CTNNA3: variants seen among roughly 807,000 people sequenced by gnomAD.
CTNNA3 encodes the protein catenin alpha 3, also known as catenin alpha-3.
Under a neutral mutation model 95.7 loss-of-function variants are expected in CTNNA3, and 76 were observed. That is an observed-to-expected ratio of 0.79 (90% CI 0.66 to 0.96). CTNNA3 has a LOEUF of 0.96. CTNNA3 is among the 40% of genes least tolerant of loss of function. The pLI is 0.00. For missense variants in CTNNA3, 1,191 were observed against 1,089.8 expected (o/e 1.09, Z -1.31); for synonymous variants, 431 against 374.4 (o/e 1.15, Z -1.74).
Position 65,953,424 on chromosome 10 carries a change from T to C in CTNNA3, c.2400+13188A>G, listed in dbSNP as rs866709286. On this transcript the variant is annotated intron_variant, in intron 17 of 17. Coordinates refer to ENST00000433211, the MANE Select transcript of CTNNA3 (RefSeq NM_013266.4). ...ATTATACTTTAAGTTCTAGGATACA[T>C]GTGCACAATGTGCAGGTTTGTTACA... is the stretch of plus-strand genomic sequence containing the variant. 2.6e-5 allele frequency among the ~76,000 whole-genome samples: 4 copies of C among 151,780 alleles called. No homozygotes were observed. In the South Asian group the frequency reaches 8.3e-4, roughly 31 times the overall value.
At chr10:67,169,141 C>T (rs192006499) in intron 7 of CTNNA3, among the ~76,000 whole-genome samples, 30 of 152,144 alleles carry the variant, frequency 2.0e-4, no homozygotes, top group East Asian at 7.7e-4. Flanking sequence ...TCAGTGAAGA[C>T]GCAAACAAAT....
intron 7 of CTNNA3, among the ~76,000 whole-genome samples, chr10:67,121,845 A>G (rs186908307): frequency 6.6e-6 from 1 of 152,124 alleles, no homozygotes; most frequent in African/African-American, 2.4e-5. Context: ...CTGTTGCCAA[A>G]CAGGGATATA....
chr10:66,492,429 G>A (rs757567497), intron 11 of CTNNA3, among the ~76,000 whole-genome samples: 1 of 148,776 alleles, frequency 6.7e-6, no homozygotes. Flanking sequence ...GACTACAGGC[G>A]CACGCCACAA....
intron 12 of CTNNA3, among the ~76,000 whole-genome samples, chr10:66,335,479 G>A (rs914666062): frequency 3.3e-5 from 5 of 152,108 alleles, no homozygotes; most frequent in African/African-American, 9.7e-5. Context: ...ATCTGTTGGA[G>A]TTTGCTGGAG....
intron 7 of CTNNA3, among the ~76,000 whole-genome samples, chr10:66,924,269 A>G (rs1209038862): frequency 1.3e-5 from 2 of 152,318 alleles, no homozygotes; most frequent in South Asian, 2.1e-4. Context: ...CCATTGTACT[A>G]TATCTGTAGG....
chr10:66,270,606 C>T (rs904079646), intron 13 of CTNNA3, among the ~76,000 whole-genome samples: 7 of 152,260 alleles, frequency 4.6e-5, no homozygotes, highest in Admixed American at 1.3e-4. Context: ...ATATGTAATA[C>T]GTCAATCATC....
chr10:66,062,627 A>T (rs768605632), intron 15 of CTNNA3, among the ~76,000 whole-genome samples: 13 of 152,162 alleles, frequency 8.5e-5, no homozygotes, highest in Non-Finnish European at 1.9e-4. Flanking sequence ...ACAATTGGAG[A>T]TTTATCACAG....
chr10:66,549,249 C>G (rs778017386), intron 10 of CTNNA3, among the ~76,000 whole-genome samples: 1 of 152,118 alleles, frequency 6.6e-6, no homozygotes. Context: ...CCGCCTCTGT[C>G]TCCACCAAAG....
At chr10:66,472,508 T>C (rs962377757) in intron 11 of CTNNA3, among the ~76,000 whole-genome samples, 1 of 151,976 alleles carries the variant, frequency 6.6e-6, no homozygotes, top group Admixed American at 6.6e-5. Context: ...AGAGATTTTT[T>C]ATTGAGTAGC....
chr10:66,334,371 G>T (rs2092369946), intron 12 of CTNNA3, among the ~76,000 whole-genome samples: 1 of 151,854 alleles, frequency 6.6e-6, no homozygotes, highest in Non-Finnish European at 1.5e-5. Context: ...GGTACCGGTT[G>T]TTCCTTTCCA....
intron 4 of CTNNA3, among the ~76,000 whole-genome samples, chr10:67,538,156 C>CAA (rs1840543268): frequency 8.6e-5 from 2 of 23,146 alleles, no homozygotes; most frequent in East Asian, 1.5e-3. Context: ...GCTACTTAAA[C>CAA]TAAAAAAAAA....
At chr10:66,059,526 C>T (rs1057201676) in intron 15 of CTNNA3, among the ~76,000 whole-genome samples, 2 of 152,072 alleles carry the variant, frequency 1.3e-5, no homozygotes, top group African/African-American at 2.4e-5. Context: ...TGCACCAGCT[C>T]GTCTGCTCCT....
At chr10:67,083,776 T>G (rs1174071216) in intron 7 of CTNNA3, among the ~76,000 whole-genome samples, 2 of 152,166 alleles carry the variant, frequency 1.3e-5, no homozygotes, top group Non-Finnish European at 2.9e-5. Context: ...AATACATTAG[T>G]TCTCCCCATA....
rs529564376 is a variant in CTNNA3, at chr10:67,606,683, C to G, written c.292+174G>C. Among the ~76,000 whole-genome samples, 9 of 152,276 alleles carry G rather than the reference C, an allele frequency of 5.9e-5. No homozygotes were observed. The South Asian group carries it at 1.7e-3, about 28-fold the overall frequency. On this transcript the variant is annotated intron_variant, in intron 3 of 17. Transcript: ENST00000433211. ...CTAAAAAGAAGAGCCTGGAGTGGGACTGAGCCTTGGAGCTGTCTAATGAGC... is the reference window on the plus strand; with the variant it reads ...CTAAAAAGAAGAGCCTGGAGTGGGAGTGAGCCTTGGAGCTGTCTAATGAGC...
intron 10 of CTNNA3, among the ~76,000 whole-genome samples, chr10:66,570,000 A>G (rs1463519703): frequency 1.3e-5 from 2 of 152,210 alleles, no homozygotes; most frequent in African/African-American, 2.4e-5. Context: ...CCTCTGAGCC[A>G]CACACCTTTC....
At chr10:67,726,487 C>A (rs936238478) in intron 1 of CTNNA3, among the ~76,000 whole-genome samples, 16 of 46,152 alleles carry the variant, frequency 3.5e-4, no homozygotes, top group African/African-American at 1.1e-3. Flanking sequence ...TATATTATAT[C>A]ATATACAATA....
intron 14 of CTNNA3, among the ~76,000 whole-genome samples, chr10:66,085,733 C>T (rs1371393968): frequency 6.6e-6 from 1 of 152,088 alleles, no homozygotes; most frequent in African/African-American, 2.4e-5. Context: ...ATTCGTAATT[C>T]TCCAAACAAA....
At chr10:66,352,848 TAAC>T (rs2092577443) in intron 12 of CTNNA3, among the ~76,000 whole-genome samples, 1 of 152,062 alleles carries the variant, frequency 6.6e-6, no homozygotes, top group African/African-American at 2.4e-5. Flanking sequence ...TTAAAAGAAA[TAAC>T]AAACAAACAA....
At chr10:66,563,532 A>G (rs1190839674) in intron 10 of CTNNA3, among the ~76,000 whole-genome samples, 5 of 152,124 alleles carry the variant, frequency 3.3e-5, no homozygotes, top group Admixed American at 6.6e-5. Flanking sequence ...GTTGTTTCAT[A>G]TGAGAAAGAA....
Sources: gnomAD v4.1 joint callset for allele counts (sites outside exome capture counted in the v4.1 genomes callset) on GRCh38, gnomAD v4.1.1 for gene constraint, MANE v1.5 for transcripts, NCBI Gene and HGNC (gene_info 2026-07-23, HGNC 2026-07-21) for gene names.